Variants in CLIC5 observed in about 807,000 individuals in gnomAD.
CLIC5 encodes the protein CLIC family member 5, also known as chloride intracellular channel protein 5.
CLIC5 carries 20 observed loss-of-function variants against 24.7 expected under a neutral mutation model. The ratio of observed to expected loss-of-function variants is 0.81; its 90% confidence interval spans 0.57 to 1.18. The LOEUF (loss-of-function observed/expected upper bound fraction) is 1.18, where lower values mean the gene tolerates loss of function less well. Ranked by LOEUF, CLIC5 falls within the 50% of genes most tolerant of loss-of-function variation. CLIC5 has a pLI of 0.00. For synonymous variants in CLIC5, 159 were observed against 135.6 expected (o/e 1.17, Z -1.20); for missense variants, 341 against 326.1 (o/e 1.05, Z -0.35).
At position 46,053,156 on chromosome 6, in the gene CLIC5, CAG is replaced by C. The variant is rs146626742; in HGVS notation, c.540+26545_540+26546del. 9.1e-3 allele frequency among the ~76,000 whole-genome samples: 1,378 copies of C among 150,702 alleles called. 12 individuals are homozygous for C. The highest frequency in any genetic ancestry group is 0.014 in the Non-Finnish European group (977 of 67,520). On this transcript the variant is annotated intron_variant, in intron 1 of 5. Coordinates refer to the CLIC5 transcript ENST00000185206. ...GTCAACCTCCAACTAATAGGAGTTG[CAG>C]AGAGAGAGAGAGGAGAGACACTGGA...
rs75875527 is a variant in CLIC5, at chr6:46,034,123, G to A, written c.540+45580C>T. Among the ~76,000 whole-genome samples the A allele has an allele frequency of 2.6e-3, 393 of 152,308 alleles. 7 individuals carry two copies. In the East Asian group the frequency reaches 0.044, roughly 17 times the overall value. ...AAAATACCAGAAGTTCAAATTTGCCGTGGGGAGACCCTTTCTTTGTTTTAT... is the reference window on the plus strand; with the variant it reads ...AAAATACCAGAAGTTCAAATTTGCCATGGGGAGACCCTTTCTTTGTTTTAT... On this transcript the variant is annotated intron_variant, in intron 1 of 5. Transcript: ENST00000185206.
chr6:46,051,722 T>G (rs1768107274), intron 1 of CLIC5, among the ~76,000 whole-genome samples: 3 of 152,220 alleles, frequency 2.0e-5, no homozygotes, highest in Admixed American at 2.0e-4. Context: ...GCTTTACATT[T>G]TATAAAATAC....
At chr6:46,013,735 G>A (rs528757041) in intron 1 of CLIC5, among the ~76,000 whole-genome samples, 2 of 152,310 alleles carry the variant, frequency 1.3e-5, no homozygotes, top group African/African-American at 4.8e-5. Flanking sequence ...TAGGAGTGGG[G>A]CAAAGGGCTC....
chr6:45,944,546 C>T (rs1764228573), intron 3 of CLIC5, among the ~76,000 whole-genome samples: 1 of 100,402 alleles, frequency 1.0e-5, no homozygotes, highest in Non-Finnish European at 1.9e-5. Flanking sequence ...GTTGGCTTCT[C>T]ACCAAAAAAA....
chr6:45,914,462 A>C, intron 4 of CLIC5, 53 bp from the exon 5 acceptor site: 2 of 1,474,200 alleles, frequency 1.4e-6, no homozygotes, highest in Non-Finnish European at 1.8e-6. Flanking sequence ...CAGTGGATAC[A>C]GTCATAGGGT....
rs950086294 is a variant in CLIC5 at position 45,953,246 on chromosome 6, T to A, written c.173+1889A>T. Among the ~76,000 whole-genome samples the A allele has an allele frequency of 3.9e-5, 6 of 152,166 alleles. No homozygotes were observed. In the South Asian group the frequency reaches 8.3e-4, roughly 21 times the overall value. On this transcript the variant is annotated intron_variant, in intron 2 of 5. Transcript: ENST00000339561. ...GATTATACATTATGTGATTTTTTTTTAATGAGAAAGCATTTACCAGTTGTA... is the reference window on the plus strand; with the variant it reads ...GATTATACATTATGTGATTTTTTTTAAATGAGAAAGCATTTACCAGTTGTA...
At chr6:46,082,207 T>G (rs1013367564), upstream of CLIC5, among the ~76,000 whole-genome samples, 8 of 152,186 alleles carry the variant, frequency 5.3e-5, no homozygotes, top group Non-Finnish European at 1.2e-4. Context: ...CATGTGCATA[T>G]GGATACAGCA....
At chr6:45,881,302 T>C (rs1430220806) in intron 6 of CLIC5, 2 of 395,772 alleles carry the variant, frequency 5.1e-6, no homozygotes, top group Non-Finnish European at 8.9e-6. Context: ...TTTCAAGTTA[T>C]GTATGTTAAA....
the CLIC5 span, among the ~76,000 whole-genome samples, chr6:46,112,509 G>C: frequency 6.6e-6 from 1 of 152,114 alleles, no homozygotes; most frequent in East Asian, 1.9e-4. Flanking sequence ...TGCCTTTGGG[G>C]GGGTAATCAC....
Position 46,058,468 on chromosome 6 carries a change from T to C in CLIC5, c.540+21235A>G, listed in dbSNP as rs371656109. Among the ~76,000 whole-genome samples, 21 of 152,354 alleles carry C rather than the reference T, an allele frequency of 1.4e-4. No individual in the cohort carries two copies. The East Asian group carries it at 3.7e-3, about 27-fold the overall frequency. ...GGCAAATTTGAGATTTGAATTCAATTGTACTTCCAAAGCTTGTGCCTTTCC... is the reference window on the plus strand; with the variant it reads ...GGCAAATTTGAGATTTGAATTCAATCGTACTTCCAAAGCTTGTGCCTTTCC... On this transcript the variant is annotated intron_variant, in intron 1 of 5. Transcript: ENST00000185206.
chr6:46,050,106 A>G (rs183013642), intron 1 of CLIC5, among the ~76,000 whole-genome samples: 209 of 152,268 alleles, frequency 1.4e-3, no homozygotes, highest in Non-Finnish European at 2.5e-3. Flanking sequence ...TTAAAGCCCA[A>G]TGGATGTCAC....
At chr6:46,014,046 G>C (rs957480107) in intron 1 of CLIC5, among the ~76,000 whole-genome samples, 8 of 152,118 alleles carry the variant, frequency 5.3e-5, no homozygotes, top group African/African-American at 1.7e-4. Flanking sequence ...GGGTGGGGGT[G>C]GGGGGAGTCC....
chr6:45,939,821 T>G (rs76939820), intron 4 of CLIC5, among the ~76,000 whole-genome samples: 2,517 of 151,948 alleles, frequency 0.017, 84 homozygotes, highest in African/African-American at 0.058. Flanking sequence ...AAAACAAGTT[T>G]TTTTTTTTTT....
downstream of CLIC5, among the ~76,000 whole-genome samples, chr6:45,893,799 A>G (rs4269369): frequency 0.35 from 53,299 of 151,976 alleles, 9,530 homozygotes; most frequent in East Asian, 0.49. Flanking sequence ...TACCCTTGAG[A>G]CTATATTGGG....
At chr6:46,099,273 G>A in the CLIC5 span, among the ~76,000 whole-genome samples, 5 of 152,136 alleles carry the variant, frequency 3.3e-5, no homozygotes, top group African/African-American at 1.2e-4. Flanking sequence ...AGTGAAAAGG[G>A]CAGAAAAATT....
In CLIC5 at chr6:45,901,049, C is replaced by T. The variant is rs1288380457; in HGVS notation, c.*2039G>A. 1.3e-5 allele frequency: 2 copies of T among 152,148 alleles called. No homozygotes were observed. The highest frequency in any genetic ancestry group is 3.9e-4 in the East Asian group (2 of 5,190). The allele number at this position is 152,148 out of a possible 1,614,324, so 9.4% of individuals were successfully genotyped here. On this transcript the variant is annotated 3_prime_UTR_variant, in exon 6 of 6. Transcript: ENST00000339561. ...GAAGTAAACTGCCTCTTAGGTCATC[C>T]TGCCTGTGCTGTAAATTCGGGGAAG...
chr6:45,905,834 A>G (rs904306445), intron 5 of CLIC5, among the ~76,000 whole-genome samples: 1 of 152,152 alleles, frequency 6.6e-6, no homozygotes, highest in Non-Finnish European at 1.5e-5. Context: ...GTTTTCTTCT[A>G]AGATTCTTAC....
At chr6:46,117,810 GA>G in the CLIC5 span, among the ~76,000 whole-genome samples, 67,859 of 151,796 alleles carry the variant, frequency 0.45, 16,388 homozygotes, top group Middle Eastern at 0.67. Flanking sequence ...TTCTAAAATA[GA>G]TTTTTTTTCA....
At chr6:45,992,839 C>A (rs1765990421) in intron 1 of CLIC5, among the ~76,000 whole-genome samples, 1 of 152,038 alleles carries the variant, frequency 6.6e-6, no homozygotes, top group African/African-American at 2.4e-5. Flanking sequence ...TAATTTTGTA[C>A]CCCATATGAA....
Sources: allele counts gnomAD v4.1 joint callset (sites outside exome capture counted in the v4.1 genomes callset), GRCh38; gene constraint gnomAD v4.1.1; transcripts MANE v1.5; gene names NCBI Gene and HGNC (gene_info 2026-07-23, HGNC 2026-07-21).